Variants in ACSL6 observed in about 807,000 individuals in gnomAD.
The protein encoded by ACSL6 is long-chain-fatty-acid--CoA ligase 6.
A neutral mutation model predicts 98.2 loss-of-function variants in ACSL6; 47 were observed. That is an observed-to-expected ratio of 0.48 (90% confidence interval 0.38 to 0.61). ACSL6 has a LOEUF of 0.61. Among genes scored for constraint, ACSL6 ranks in the 20% least tolerant of loss-of-function variants. The pLI is 0.00. For missense variants in ACSL6, 761 were observed against 913.4 expected (o/e 0.83, Z 2.15); for synonymous variants, 362 against 336.9 (o/e 1.07, Z -0.82).
chr5:131,991,701 C>G (rs1427177059), intron 2 of ACSL6, among the ~76,000 whole-genome samples: 2 of 152,130 alleles, frequency 1.3e-5, no homozygotes, highest in Non-Finnish European at 2.9e-5. Flanking sequence ...TGTCACCCTT[C>G]CCCAGGGTGC....
At chr5:131,985,354 A>C (rs931926484) in intron 9 of ACSL6, 53 bp downstream of exon 9, 6 of 1,610,534 alleles carry the variant, frequency 3.7e-6, no homozygotes, top group East Asian at 2.2e-5. Context: ...CTGCTAGGCC[A>C]CCAGGGAAGG....
chr5:131,986,458 G>T (rs1306571790), intron 8 of ACSL6, among the ~76,000 whole-genome samples: 1 of 152,246 alleles, frequency 6.6e-6, no homozygotes, highest in Non-Finnish European at 1.5e-5. Flanking sequence ...GATGCCACAA[G>T]GCCATTTGGC....
intron 1 of ACSL6, among the ~76,000 whole-genome samples, chr5:132,008,482 G>A (rs1755535959): frequency 6.6e-6 from 1 of 152,206 alleles, no homozygotes; most frequent in South Asian, 2.1e-4. Flanking sequence ...GCCCAGCCAT[G>A]ACTCAAGCCA....
chr5:132,011,374 C>T lies in ACSL6; in HGVS notation c.49+131G>A. ...GGTGTACTTAGGCGGCCCTGGGGAC[C>T]TTGACGGGACAGCTCAGCAGCAGGG... On this transcript the variant is annotated intron_variant, in intron 1 of 20. Coordinates refer to ENST00000651883, the MANE Select transcript of ACSL6 (RefSeq NM_001009185.3). This position sits in a 1 kb window ranked among gnomAD's most constrained non-coding sequence, Gnocchi z 5.4. 1 of 1,045,198 alleles carries T rather than the reference C, an allele frequency of 9.6e-7. No homozygotes were observed. Among genetic ancestry groups the T allele is most frequent in the Non-Finnish European group, 1.4e-6 (1 of 691,946 alleles). 64.7% of individuals were successfully genotyped at this position (1,045,198 alleles called of 1,614,324 possible). A position where few individuals can be genotyped will look rare whatever the true frequency, so the allele number is the denominator to read the frequency against.
At chr5:131,969,930 A>C (rs944751011) in intron 15 of ACSL6, among the ~76,000 whole-genome samples, 198 bp downstream of exon 15, 4 of 152,192 alleles carry the variant, frequency 2.6e-5, no homozygotes, top group Non-Finnish European at 5.9e-5. Context: ...ATGAATAAAA[A>C]AGGGAAAAAC....
rs111658079 is a variant in ACSL6 at position 131,988,452 on chromosome 5, C to T, written c.653-226G>A. On this transcript the variant is annotated intron_variant, in intron 6 of 20. Coordinates refer to ENST00000651883, the MANE Select transcript of ACSL6 (RefSeq NM_001009185.3). Reference sequence around the variant, plus strand: ...GGAACCTCCTCAAGCAGAGTCCAAGCTCCCCTTTGTTCCAGGCTCTGCCCC... The same window carrying T: ...GGAACCTCCTCAAGCAGAGTCCAAGTTCCCCTTTGTTCCAGGCTCTGCCCC... 3.2e-4 allele frequency: 478 copies of T among 1,471,244 alleles called. No individual in the cohort carries two copies. The African/African-American group carries it at 5.4e-3, about 17-fold the overall frequency. 91.1% of individuals were successfully genotyped at this position (1,471,244 alleles called of 1,614,324 possible). A position where few individuals can be genotyped will look rare whatever the true frequency, so the allele number is the denominator to read the frequency against.
chr5:131,968,308 G>A (rs1753127109), intron 15 of ACSL6: 1 of 319,410 alleles, frequency 3.1e-6, no homozygotes, highest in Non-Finnish European at 5.8e-6. Flanking sequence ...AGGGTCCTGG[G>A]TAGGGTAGGA....
intron 2 of ACSL6, among the ~76,000 whole-genome samples, chr5:131,991,579 C>T (rs927088039): frequency 2.0e-5 from 3 of 152,140 alleles, no homozygotes; most frequent in African/African-American, 7.2e-5. Flanking sequence ...AGGCAGGCAG[C>T]AAGTTCCTGG....
At chr5:131,985,594 A>T (rs1263221332) in intron 8 of ACSL6, 136 bp from the exon 9 acceptor site, 10 of 862,864 alleles carry the variant, frequency 1.2e-5, no homozygotes. Context: ...GCACGCCTGC[A>T]TGCTCCTGTG....
intron 1 of ACSL6, among the ~76,000 whole-genome samples, chr5:131,999,782 G>A (rs1231255815): frequency 2.0e-5 from 3 of 152,210 alleles, no homozygotes; most frequent in Non-Finnish European, 4.4e-5. Context: ...GATCAGCTCA[G>A]AGCCAAGCAA....
intron 1 of ACSL6, among the ~76,000 whole-genome samples, chr5:132,000,593 C>T (rs1325896066): frequency 6.6e-6 from 1 of 152,020 alleles, no homozygotes; most frequent in East Asian, 1.9e-4. Context: ...AGTATGATCA[C>T]TGCGTATTTT....
chr5:131,990,847 T>C lies in ACSL6; in HGVS notation c.385+6A>G, dbSNP rs772887641. ...CCTCCACACCCCCCCCCACAACCCTTCTCACCTGAGATGCTAAGCCCACGG... is the reference window on the plus strand; with the variant it reads ...CCTCCACACCCCCCCCCACAACCCTCCTCACCTGAGATGCTAAGCCCACGG... On this transcript the variant is annotated splice_donor_region_variant and intron_variant, in intron 3 of 20. Coordinates refer to ENST00000651883, the MANE Select transcript of ACSL6 (RefSeq NM_001009185.3). 2 of 1,598,048 alleles carry C rather than the reference T, an allele frequency of 1.3e-6. No individual in the cohort carries two copies. Among genetic ancestry groups the C allele is most frequent in the Non-Finnish European group, 1.7e-6 (2 of 1,167,920 alleles).
chr5:131,953,792 T>C lies in ACSL6; in HGVS notation c.*442A>G, dbSNP rs937528721. 5.1e-6 allele frequency: 1 copy of C among 194,180 alleles called. No homozygotes were observed. Among genetic ancestry groups the C allele is most frequent in the Non-Finnish European group, 1.1e-5 (1 of 92,942 alleles). The allele number at this position is 194,180 out of a possible 1,614,324, so 12.0% of individuals were successfully genotyped here. A position where few individuals can be genotyped will look rare whatever the true frequency, so the allele number is the denominator to read the frequency against. On this transcript the variant is annotated 3_prime_UTR_variant, in exon 21 of 21. Coordinates refer to ENST00000651883, the MANE Select transcript of ACSL6 (RefSeq NM_001009185.3). ...ACACCTAGCTTTAATTTTTGAAGTCTGATTTAATTGTGATTTTGACAATCA... is the reference window on the plus strand; with the variant it reads ...ACACCTAGCTTTAATTTTTGAAGTCCGATTTAATTGTGATTTTGACAATCA...
chr5:132,011,095 A>G lies in ACSL6; in HGVS notation c.49+410T>C, dbSNP rs1755700915. On this transcript the variant is annotated intron_variant, in intron 1 of 20. Transcript: ENST00000651883. This position sits in a 1 kb window ranked among gnomAD's most constrained non-coding sequence, Gnocchi z 5.4. The stretch of plus-strand genomic sequence containing the variant: ...TAGGTCAGTCCGGGTTACATAGCTG[A>G]CCTGCTGTGGGACCTCGGGGACCAA... 6.6e-6 allele frequency among the ~76,000 whole-genome samples: 1 copy of G among 152,118 alleles called. No homozygotes were observed. The highest frequency in any genetic ancestry group is 2.4e-5 in the African/African-American group (1 of 41,422).
At chr5:131,956,200 T>C (rs1752393876) in intron 20 of ACSL6, among the ~76,000 whole-genome samples, 1 of 152,130 alleles carries the variant, frequency 6.6e-6, no homozygotes, top group African/African-American at 2.4e-5. Context: ...AATACAGTAC[T>C]GGAAATATAG....
rs188123685 is a variant in ACSL6, at chr5:131,993,289, T to A, written c.270+742A>T. The A allele has an allele frequency of 4.6e-5, 7 of 152,538 alleles. No individual in the cohort carries two copies. The East Asian group carries it at 9.6e-4, about 21-fold the overall frequency. The allele number at this position is 152,538 out of a possible 1,614,324, so 9.4% of individuals were successfully genotyped here. A position where few individuals can be genotyped will look rare whatever the true frequency, so the allele number is the denominator to read the frequency against. ...TGCACAACAGGGTATGTGGTGGATA[T>A]GAGTGAAAGCGTGGTGAGTATCTCT... On this transcript the variant is annotated intron_variant, in intron 2 of 20. Coordinates refer to ENST00000651883, the MANE Select transcript of ACSL6 (RefSeq NM_001009185.3).
intron 3 of ACSL6, 30 bp from the exon 4 acceptor site, chr5:131,990,194 GA>G: frequency 6.2e-7 from 1 of 1,612,152 alleles, no homozygotes; most frequent in Non-Finnish European, 8.5e-7. Context: ...CCTTGTGTCA[GA>G]GAGGGGTCAG....
chr5:131,989,634 C>T (rs1754400918), intron 4 of ACSL6, 126 bp from the exon 5 acceptor site: 2 of 701,148 alleles, frequency 2.9e-6, no homozygotes, highest in South Asian at 2.0e-5. Context: ...CTCGATCTAT[C>T]ACCCAGGCTG....
chr5:131,989,580 A>ATT (rs1754392190), intron 4 of ACSL6, 72 bp from the exon 5 acceptor site: 4 of 407,778 alleles, frequency 9.8e-6, no homozygotes, highest in African/African-American at 6.1e-5. Context: ...CCCAGGAGGA[A>ATT]TTCTTTTTTT....
Sources: gnomAD v4.1 joint callset for allele counts (sites outside exome capture counted in the v4.1 genomes callset) on GRCh38, gnomAD v4.1.1 for gene constraint, Gnocchi (gnomAD v3.1) non-coding constraint, MANE v1.5 for transcripts, NCBI Gene and HGNC (gene_info 2026-07-23, HGNC 2026-07-21) for gene names.